The following MPV17 variants were observed in gnomAD, a reference collection of about 807,000 sequenced individuals.
MPV17 encodes the protein MPV17, mitochondrial inner membrane protein.
MPV17 carries 31 observed loss-of-function variants against 28.6 expected under a neutral mutation model. The ratio of observed to expected loss-of-function variants is 1.08; its 90% CI spans 0.81 to 1.46. The LOEUF is 1.46. Among genes scored for constraint, MPV17 ranks in the 40% most tolerant of loss-of-function variants. The pLI, the probability that MPV17 is intolerant of heterozygous loss-of-function variation, is 0.00. For synonymous variants in MPV17, 87 were observed against 85.3 expected (o/e 1.02, Z -0.11); for missense variants, 198 against 216.2 (o/e 0.92, Z 0.53).
intron 5 of MPV17, 111 bp from the exon 6 acceptor site, chr2:27,312,357 T>TA: frequency 1.4e-6 from 2 of 1,431,420 alleles, no homozygotes; most frequent in East Asian, 4.5e-5. Flanking sequence ...TCCTGCACCA[T>TA]AACCCTCAGC....
intron 3 of MPV17, 56 bp from the exon 4 acceptor site, chr2:27,312,828 C>T (rs1679505410): frequency 6.4e-7 from 1 of 1,573,358 alleles, no homozygotes; most frequent in Non-Finnish European, 8.7e-7. Flanking sequence ...TAGGCCTCTA[C>T]CTCACTAAGC....
At chr2:27,320,386 G>T (rs2148223462) in intron 2 of MPV17, among the ~76,000 whole-genome samples, 1 of 151,040 alleles carries the variant, frequency 6.6e-6, no homozygotes, top group Admixed American at 6.6e-5. Flanking sequence ...GCCCAGGCTG[G>T]AGTGCAATGG....
rs77510934 is a variant in MPV17, at chr2:27,317,994, T to C, written c.70+4454A>G. Among the ~76,000 whole-genome samples, 1,015 of 152,334 alleles carry C rather than the reference T, an allele frequency of 6.7e-3. 10 individuals carry two copies. The highest frequency in any genetic ancestry group is 0.023 in the African/African-American group (960 of 41,590). On this transcript the variant is annotated intron_variant, in intron 2 of 7. Coordinates refer to ENST00000380044, the MANE Select transcript of MPV17 (RefSeq NM_002437.5). This position sits in a 1 kb window ranked among gnomAD's most constrained non-coding sequence, Gnocchi z 4.0. ...CTGTGCCACACCTGGGCCTTTGCTATTGATGGCTGCAGTGACTATGCATGT... is the reference window on the plus strand; with the variant it reads ...CTGTGCCACACCTGGGCCTTTGCTACTGATGGCTGCAGTGACTATGCATGT...
intron 2 of MPV17, among the ~76,000 whole-genome samples, chr2:27,313,628 C>T (rs1306129994): frequency 6.6e-6 from 1 of 152,160 alleles, no homozygotes; most frequent in African/African-American, 2.4e-5. Context: ...GTAGGAAACC[C>T]TGTTTTCTCC....
intron 2 of MPV17, among the ~76,000 whole-genome samples, chr2:27,321,750 G>C (rs1426145648): frequency 6.6e-6 from 1 of 152,170 alleles, no homozygotes; most frequent in Non-Finnish European, 1.5e-5. Context: ...ACTGGTATCT[G>C]ATCACTCCAA....
At chr2:27,313,171 G>A (rs1230090459) in intron 2 of MPV17, 62 bp from the exon 3 acceptor site, 1 of 1,612,364 alleles carries the variant, frequency 6.2e-7, no homozygotes, top group Non-Finnish European at 8.5e-7. Flanking sequence ...TTCCAAGGAG[G>A]GAGGGACATC....
At chr2:27,311,372 G>A (rs756526866) in intron 7 of MPV17, 23 of 569,212 alleles carry the variant, frequency 4.0e-5, no homozygotes, top group African/African-American at 5.6e-5. Context: ...GTCTGTATTC[G>A]TTTTAGCTAT....
intron 1 of MPV17, 74 bp from the exon 2 acceptor site, chr2:27,322,596 T>A: frequency 4.1e-6 from 5 of 1,215,888 alleles, no homozygotes; most frequent in African/African-American, 1.5e-5. Flanking sequence ...GACATTCCCT[T>A]GTGCCCACTC....
chr2:27,313,751 T>C (rs1435011773), intron 2 of MPV17, among the ~76,000 whole-genome samples: 2 of 152,144 alleles, frequency 1.3e-5, no homozygotes, highest in Non-Finnish European at 2.9e-5. Context: ...CTCACTCTGT[T>C]GTCCAGGCTA....
chr2:27,321,856 C>T (rs751414345), intron 2 of MPV17: 4 of 155,238 alleles, frequency 2.6e-5, no homozygotes, highest in Admixed American at 1.9e-4. Context: ...ACGATATAAA[C>T]AAAACTCAGG....
rs1679698464 is a variant in MPV17 at position 27,317,495 on chromosome 2, G to A, written c.71-4386C>T. Among the ~76,000 whole-genome samples the A allele has an allele frequency of 6.6e-6, 1 of 152,218 alleles. No homozygotes were observed. Among genetic ancestry groups the A allele is most frequent in the Admixed American group, 6.5e-5 (1 of 15,282 alleles). ...AGTAGTCTCAAGTGCAAGGCAGTAT[G>A]GTGGGCAGTGCCCTAGGTTATAACG... On this transcript the variant is annotated intron_variant, in intron 2 of 7. Transcript: ENST00000380044. The surrounding 1 kb of genome is among the most constrained non-coding windows in gnomAD (Gnocchi z 4.0).
chr2:27,316,299 C>T, intron 2 of MPV17: 4 of 1,292,552 alleles, frequency 3.1e-6, no homozygotes, highest in Non-Finnish European at 4.3e-6. Context: ...CTTCTAGCCC[C>T]ATAGTTCTGG....
intron 7 of MPV17, 47 bp downstream of exon 7, chr2:27,311,852 T>A: frequency 1.2e-6 from 2 of 1,606,874 alleles, no homozygotes; most frequent in Non-Finnish European, 1.7e-6. Context: ...CTCCAACTGT[T>A]GGTAACGTGG....
At chr2:27,315,430 C>A (rs1171016834) in intron 2 of MPV17, among the ~76,000 whole-genome samples, 1 of 152,170 alleles carries the variant, frequency 6.6e-6, no homozygotes, top group Non-Finnish European at 1.5e-5. Context: ...AAAAGGCAGT[C>A]CTTTCTCAAA....
chr2:27,321,251 C>T (rs569041080), intron 2 of MPV17, among the ~76,000 whole-genome samples: 1 of 152,366 alleles, frequency 6.6e-6, no homozygotes, highest in Non-Finnish European at 1.5e-5. Flanking sequence ...CATAGCCACA[C>T]TGTCCAGCAT....
At chr2:27,314,112 CCCAAGAGTTTGAGT>C (rs1349672109) in intron 2 of MPV17, among the ~76,000 whole-genome samples, 1 of 152,108 alleles carries the variant, frequency 6.6e-6, no homozygotes, top group Non-Finnish European at 1.5e-5. Flanking sequence ...ATTGCTTGAG[CCCAAGAGTTTGAGT>C]CCAGCCTGGG....
chr2:27,310,626 C>T (rs543071152), intron 7 of MPV17, among the ~76,000 whole-genome samples: 23 of 152,360 alleles, frequency 1.5e-4, no homozygotes, highest in Middle Eastern at 6.8e-3. Context: ...CCGAAATGTA[C>T]GGACTATCAT....
In MPV17 at chr2:27,322,649, C is replaced by T; in HGVS notation, c.-5-127G>A. ...CCAATGTGACTTAAAGGGGCAGAGG[C>T]CACATGAAGGATGCTTCCCAGACAG... On this transcript the variant is annotated intron_variant, in intron 1 of 7. Transcript: ENST00000380044. 2.4e-5 allele frequency: 18 copies of T among 747,234 alleles called. No individual in the cohort carries two copies. The South Asian group carries it at 2.7e-4, about 11-fold the overall frequency. The allele number at this position is 747,234 out of a possible 1,614,324, so 46.3% of individuals were successfully genotyped here.
At chr2:27,319,677 T>C (rs1020021682) in intron 2 of MPV17, among the ~76,000 whole-genome samples, 3 of 151,076 alleles carry the variant, frequency 2.0e-5, no homozygotes, top group Admixed American at 6.6e-5. Flanking sequence ...GTAATCCTAG[T>C]ACTCTGGGAG....
Sources: gnomAD v4.1 joint callset for allele counts (sites outside exome capture counted in the v4.1 genomes callset) on GRCh38, gnomAD v4.1.1 for gene constraint, Gnocchi (gnomAD v3.1) non-coding constraint, MANE v1.5 for transcripts, NCBI Gene and HGNC (gene_info 2026-07-23, HGNC 2026-07-21) for gene names.